TAB2: variants seen among roughly 807,000 people sequenced by gnomAD.
The protein encoded by TAB2 is TGF-beta-activated kinase 1 and MAP3K7-binding protein 2.
In TAB2, 3 loss-of-function variants were observed where a neutral mutation model predicts 65.0. That is an observed-to-expected ratio of 0.05 (90% CI 0.02 to 0.12). The LOEUF is 0.12. Among genes scored for constraint, TAB2 ranks in the 10% least tolerant of loss-of-function variants. The pLI is 1.00. For synonymous variants in TAB2, 298 were observed against 285.1 expected (o/e 1.05, Z -0.46); for missense variants, 623 against 840.3 (o/e 0.74, Z 3.20).
rs554605119 is a variant in TAB2, at chr6:149,398,900, G to A, written c.1859-204G>A. ...TTCTTTCACAGTTTACCACTTACCC[G>A]TGTTTATGAGTACTACATTATACCT... On this transcript the variant is annotated intron_variant, in intron 5 of 6. Transcript: ENST00000637181. Among the ~76,000 whole-genome samples the A allele has an allele frequency of 2.8e-4, 43 of 152,064 alleles. 2 individuals carry two copies. The South Asian group carries it at 7.7e-3, about 27-fold the overall frequency.
chr6:149,403,319 CACATATATAT>C (rs1782539256), intron 6 of TAB2, among the ~76,000 whole-genome samples: 1 of 87,434 alleles, frequency 1.1e-5, no homozygotes, highest in Admixed American at 1.3e-4. Context: ...TATATACACA[CACATATATAT>C]ACATATATAT....
chr6:149,233,764 A>T (rs1010332405), intron 1 of TAB2, among the ~76,000 whole-genome samples: 2 of 152,218 alleles, frequency 1.3e-5, no homozygotes, highest in Non-Finnish European at 2.9e-5. Flanking sequence ...TGCAAAAGTG[A>T]TTGTTGTTTT....
intron 1 of TAB2, among the ~76,000 whole-genome samples, chr6:149,307,280 G>T (rs1289698817): frequency 6.6e-6 from 1 of 152,172 alleles, no homozygotes; most frequent in East Asian, 1.9e-4. Context: ...CAAATAAGAT[G>T]AAATTCAACC....
chr6:149,389,507 T>C (rs980590654), intron 3 of TAB2, among the ~76,000 whole-genome samples: 2 of 151,790 alleles, frequency 1.3e-5, no homozygotes, highest in African/African-American at 2.4e-5. Flanking sequence ...TAGCTGGGTG[T>C]GGTGGCACAT....
At chr6:149,232,657 G>T (rs993754341) in intron 1 of TAB2, among the ~76,000 whole-genome samples, 9 of 152,200 alleles carry the variant, frequency 5.9e-5, no homozygotes, top group African/African-American at 1.9e-4. Context: ...TGGGGGGAGG[G>T]TATCACTGAA....
chr6:149,357,233 T>A (rs956381416), intron 1 of TAB2, among the ~76,000 whole-genome samples: 1 of 151,952 alleles, frequency 6.6e-6, no homozygotes, highest in African/African-American at 2.4e-5. Flanking sequence ...CTGGCCAATA[T>A]GGTGAAGTCC....
At chr6:149,336,486 A>T (rs893321884) in intron 1 of TAB2, among the ~76,000 whole-genome samples, 1 of 152,128 alleles carries the variant, frequency 6.6e-6, no homozygotes, top group Non-Finnish European at 1.5e-5. Flanking sequence ...TCTATGTGTA[A>T]GCACATAGCA....
intron 1 of TAB2, among the ~76,000 whole-genome samples, chr6:149,280,787 T>C (rs4897109): frequency 0.46 from 70,455 of 151,712 alleles, 17,027 homozygotes; most frequent in East Asian, 0.66. Flanking sequence ...AAAAAATTAG[T>C]CAGGCCTGGT....
At chr6:149,324,602 G>T (rs1779544317) in intron 1 of TAB2, among the ~76,000 whole-genome samples, 1 of 152,060 alleles carries the variant, frequency 6.6e-6, no homozygotes, top group Admixed American at 6.6e-5. Flanking sequence ...GCCAGTGGCA[G>T]GGCAGTTCAG....
intron 1 of TAB2, among the ~76,000 whole-genome samples, chr6:149,280,967 A>G (rs1452053865): frequency 6.6e-6 from 1 of 151,440 alleles, no homozygotes; most frequent in Non-Finnish European, 1.5e-5. Context: ...GAAAGAATTC[A>G]TGACCAGAAG....
chr6:149,275,847 C>T (rs1036182221), intron 1 of TAB2, among the ~76,000 whole-genome samples: 3 of 152,152 alleles, frequency 2.0e-5, no homozygotes, highest in African/African-American at 4.8e-5. Context: ...AACAGTGGGA[C>T]GTTTCCAAAA....
chr6:149,295,774 T>A (rs1778864603), intron 1 of TAB2, among the ~76,000 whole-genome samples: 1 of 152,156 alleles, frequency 6.6e-6, no homozygotes, highest in Non-Finnish European at 1.5e-5. Context: ...GGTTATCTTT[T>A]TTTCTTCTTC....
At chr6:149,239,784 A>C (rs963503837) in intron 1 of TAB2, among the ~76,000 whole-genome samples, 26 of 152,192 alleles carry the variant, frequency 1.7e-4, no homozygotes, top group Non-Finnish European at 1.5e-5. Context: ...TGTGCCAGAC[A>C]CTGAGCCCAT....
At position 149,370,986 on chromosome 6, in the gene TAB2, A is replaced by C. The variant is rs561908021; in HGVS notation, c.102+887A>C. Among the ~76,000 whole-genome samples, 5 of 149,366 alleles carry C rather than the reference A, an allele frequency of 3.3e-5. 1 individual carries two copies. In the South Asian group the frequency reaches 1.1e-3, roughly 32 times the overall value. On this transcript the variant is annotated intron_variant, in intron 2 of 6. Transcript: ENST00000637181. ...AAGACTGAAGCATGAGAATTGCTTG[A>C]ACCCAGGAGGCAGAGGTTGCAGTGA...
At chr6:149,291,850 G>A (rs1040342850) in intron 1 of TAB2, among the ~76,000 whole-genome samples, 1 of 152,106 alleles carries the variant, frequency 6.6e-6, no homozygotes, top group Non-Finnish European at 1.5e-5. Flanking sequence ...GACAGAGTGT[G>A]ACCCTGTCTC....
intron 1 of TAB2, among the ~76,000 whole-genome samples, chr6:149,322,347 A>G (rs1214571209): frequency 6.6e-6 from 1 of 152,144 alleles, no homozygotes; most frequent in Non-Finnish European, 1.5e-5. Context: ...TGTAATGGGT[A>G]TTATCCTTGA....
intron 6 of TAB2, among the ~76,000 whole-genome samples, chr6:149,401,993 T>TA (rs536179170): frequency 6.3e-4 from 82 of 130,270 alleles, no homozygotes; most frequent in African/African-American, 2.3e-3. Context: ...TAAACAATAC[T>TA]ACATTAAAAA....
At chr6:149,259,980 G>A (rs1339759591) in intron 1 of TAB2, among the ~76,000 whole-genome samples, 1 of 152,068 alleles carries the variant, frequency 6.6e-6, no homozygotes, top group Non-Finnish European at 1.5e-5. Flanking sequence ...AGTAATATAA[G>A]ACTACCAGCC....
At chr6:149,268,658 T>C (rs1331063796) in intron 1 of TAB2, among the ~76,000 whole-genome samples, 1 of 152,228 alleles carries the variant, frequency 6.6e-6, no homozygotes. Context: ...AACCACTGCC[T>C]AGCAAATCAT....
Sources: allele counts gnomAD v4.1 joint callset (sites outside exome capture counted in the v4.1 genomes callset), GRCh38; gene constraint gnomAD v4.1.1; transcripts MANE v1.5; gene names NCBI Gene and HGNC (gene_info 2026-07-23, HGNC 2026-07-21).